Variants in SLC25A13 observed in about 807,000 individuals in gnomAD.
SLC25A13 encodes solute carrier family 25 member 13.
SLC25A13 carries 70 observed loss-of-function variants against 85.5 expected under a neutral mutation model. The observed-to-expected ratio is 0.82, with a 90% CI of 0.68 to 1.00. SLC25A13 has a LOEUF of 1.00. Among genes scored for constraint, SLC25A13 ranks in the 50% least tolerant of loss-of-function variants. The pLI is 0.00. For synonymous variants in SLC25A13, 259 were observed against 288.7 expected (o/e 0.90, Z 1.04); for missense variants, 765 against 819.8 (o/e 0.93, Z 0.82).
At chr7:96,160,164 C>T (rs1264261514) in intron 13 of SLC25A13, among the ~76,000 whole-genome samples, 1 of 152,178 alleles carries the variant, frequency 6.6e-6, no homozygotes, top group Non-Finnish European at 1.5e-5. Flanking sequence ...ATTTTCCTAT[C>T]GTAACAAACT....
At chr7:96,308,922 T>C (rs1562922675) in intron 1 of SLC25A13, among the ~76,000 whole-genome samples, 2 of 152,272 alleles carry the variant, frequency 1.3e-5, no homozygotes, top group South Asian at 2.1e-4. Context: ...CAAGTTGCTG[T>C]TGGACACCAC....
chr7:96,147,511 A>T (rs1026343012), intron 13 of SLC25A13, among the ~76,000 whole-genome samples: 2 of 152,194 alleles, frequency 1.3e-5, no homozygotes, highest in African/African-American at 2.4e-5. Context: ...TAAGCTAGCT[A>T]TTTTGAAGCT....
chr7:96,268,004 A>G (rs1454637206), intron 3 of SLC25A13, among the ~76,000 whole-genome samples: 1 of 152,102 alleles, frequency 6.6e-6, no homozygotes, highest in African/African-American at 2.4e-5. Context: ...GAGATGAAAG[A>G]CATATGTGTG....
At chr7:96,208,753 C>A in intron 5 of SLC25A13, 85 bp downstream of exon 5, 1 of 1,499,844 alleles carries the variant, frequency 6.7e-7, no homozygotes, top group East Asian at 2.3e-5. Context: ...CATCCGCCCA[C>A]CTCGGCCTCC....
intron 4 of SLC25A13, among the ~76,000 whole-genome samples, chr7:96,226,327 T>C (rs1297577496): frequency 6.6e-6 from 1 of 152,212 alleles, no homozygotes; most frequent in African/African-American, 2.4e-5. Flanking sequence ...TTCATTCATG[T>C]TGTCATGTAT....
chr7:96,201,383 C>A (rs939472080), intron 5 of SLC25A13, among the ~76,000 whole-genome samples: 1 of 151,708 alleles, frequency 6.6e-6, no homozygotes, highest in Non-Finnish European at 1.5e-5. Flanking sequence ...TGGGGTTGGG[C>A]AGCCTGTAAT....
chr7:96,288,125 C>T (rs960262673), intron 2 of SLC25A13, among the ~76,000 whole-genome samples: 2 of 152,178 alleles, frequency 1.3e-5, no homozygotes, highest in African/African-American at 4.8e-5. Flanking sequence ...CCTTTTCCAA[C>T]TTAGAAACTG....
chr7:96,196,738 A>C lies in SLC25A13; in HGVS notation c.469-3555T>G, dbSNP rs373850562. Among the ~76,000 whole-genome samples, 5 of 152,348 alleles carry C rather than the reference A, an allele frequency of 3.3e-5. No individual in the cohort carries two copies. In the South Asian group the frequency reaches 1.0e-3, roughly 32 times the overall value. On this transcript the variant is annotated intron_variant, in intron 5 of 17. Coordinates refer to ENST00000265631, the MANE Select transcript of SLC25A13 (RefSeq NM_014251.3). ...ATGCTAGATCTATGTAGTTCTCTAA[A>C]TAGCAGGACAGAGTGAAAACACGCA...
intron 13 of SLC25A13, among the ~76,000 whole-genome samples, chr7:96,147,249 G>C (rs1387050305): frequency 6.6e-6 from 1 of 152,104 alleles, no homozygotes; most frequent in Non-Finnish European, 1.5e-5. Flanking sequence ...TTTTCTCTTA[G>C]AAACTCAAGT....
At chr7:96,293,518 T>G (rs1333016444) in intron 2 of SLC25A13, among the ~76,000 whole-genome samples, 4 of 152,016 alleles carry the variant, frequency 2.6e-5, no homozygotes, top group African/African-American at 4.8e-5. Context: ...GAAAATTTTT[T>G]CAATCTACTC....
chr7:96,146,120 T>G (rs932444715), intron 14 of SLC25A13, among the ~76,000 whole-genome samples: 5 of 152,130 alleles, frequency 3.3e-5, no homozygotes, highest in African/African-American at 1.2e-4. Flanking sequence ...ATTTTCTAAA[T>G]GAAAAATGAT....
At chr7:96,245,073 C>T (rs923501350) in intron 3 of SLC25A13, among the ~76,000 whole-genome samples, 4 of 152,134 alleles carry the variant, frequency 2.6e-5, no homozygotes, top group African/African-American at 9.7e-5. Flanking sequence ...AAACAGCAGT[C>T]AAGTTGCCCA....
Position 96,131,804 on chromosome 7 carries a change from G to A in SLC25A13, c.1530C>T (p.Ser510=). Residue 510 remains serine (S), a synonymous_variant, in exon 15 of 18, where the codon TCC becomes TCT. Coordinates refer to ENST00000265631, the MANE Select transcript of SLC25A13 (RefSeq NM_014251.3). ...YFPCYAHVKA[S]FANEDGQVSP... ...TAACCTGCCCATCTTCATTTGCAAAGGAAGCCTTCACATGAGCATAGCACG... is the reference window on the plus strand; with the variant it reads ...TAACCTGCCCATCTTCATTTGCAAAAGAAGCCTTCACATGAGCATAGCACG... 1 of 1,614,108 alleles carries A rather than the reference G, an allele frequency of 6.2e-7. No individual in the cohort carries two copies. The highest frequency in any genetic ancestry group is 8.5e-7 in the Non-Finnish European group (1 of 1,180,012).
In SLC25A13 at chr7:96,277,079, C is replaced by T. The variant is rs961124405; in HGVS notation, c.212+117G>A. ...AATGTAATAATAATAGTAGTAAGTA[C>T]AGAAAATGGTCCTAAGAGATGGGAA... On this transcript the variant is annotated intron_variant, in intron 3 of 17. Coordinates refer to ENST00000265631, the MANE Select transcript of SLC25A13 (RefSeq NM_014251.3). 6 of 969,066 alleles carry T rather than the reference C, an allele frequency of 6.2e-6. No homozygotes were observed. In the East Asian group the frequency reaches 1.3e-4, roughly 22 times the overall value. 60.0% of individuals were successfully genotyped at this position (969,066 alleles called of 1,614,324 possible). A position where few individuals can be genotyped will look rare whatever the true frequency, so the allele number is the denominator to read the frequency against.
chr7:96,188,550 G>A (rs538371671), intron 9 of SLC25A13, among the ~76,000 whole-genome samples: 1 of 152,284 alleles, frequency 6.6e-6, no homozygotes, highest in Non-Finnish European at 1.5e-5. Context: ...TTCTAAAAAC[G>A]ACACTCGCCT....
intron 3 of SLC25A13, among the ~76,000 whole-genome samples, chr7:96,244,919 C>T (rs1797128034): frequency 6.6e-6 from 1 of 152,124 alleles, no homozygotes; most frequent in South Asian, 2.1e-4. Context: ...CTATAAATAT[C>T]ACCTCTGCAT....
At chr7:96,168,128 A>AAAAAAAC in intron 13 of SLC25A13, among the ~76,000 whole-genome samples, 1 of 145,802 alleles carries the variant, frequency 6.9e-6, no homozygotes, top group Non-Finnish European at 1.5e-5. Flanking sequence ...AAAAAAAAAA[A>AAAAAAAC]AGCACGTGTG....
intron 4 of SLC25A13, among the ~76,000 whole-genome samples, chr7:96,225,331 G>A (rs1796292161): frequency 6.6e-6 from 1 of 152,098 alleles, no homozygotes; most frequent in East Asian, 1.9e-4. Context: ...GATTGCTTGA[G>A]CCTAGGAGTT....
At chr7:96,140,737 C>G (rs1181730498) in intron 14 of SLC25A13, among the ~76,000 whole-genome samples, 3 of 151,430 alleles carry the variant, frequency 2.0e-5, no homozygotes, top group African/African-American at 7.3e-5. Context: ...CACAACCTCA[C>G]CATTGCTTAT....
Sources: allele counts gnomAD v4.1 joint callset (sites outside exome capture counted in the v4.1 genomes callset), GRCh38; gene constraint gnomAD v4.1.1; transcripts MANE v1.5; gene names NCBI Gene and HGNC (gene_info 2026-07-23, HGNC 2026-07-21).